SCD5: variants seen among roughly 807,000 people sequenced by gnomAD.
SCD5 encodes stearoyl-CoA desaturase 5, also known as acyl-CoA-desaturase 4.
Under a neutral mutation model 30.4 loss-of-function variants are expected in SCD5, and 20 were observed. The observed-to-expected ratio is 0.66, with a 90% CI of 0.46 to 0.96. SCD5 has a LOEUF of 0.96. Among genes scored for constraint, SCD5 ranks in the 40% least tolerant of loss-of-function variants. The probability of loss-of-function intolerance (pLI) is 0.00; values close to 1 mark genes in which losing one functional copy is unlikely to be tolerated. For synonymous variants in SCD5, 173 were observed against 176.4 expected (o/e 0.98, Z 0.16); for missense variants, 381 against 443.3 (o/e 0.86, Z 1.26).
intron 4 of SCD5, 123 bp downstream of exon 4, chr4:82,636,467 AG>A: frequency 1.4e-6 from 1 of 732,304 alleles, no homozygotes; most frequent in Non-Finnish European, 2.2e-6. Flanking sequence ...AAAAAAAAAA[AG>A]CTCAAGTTCA....
intron 1 of SCD5, among the ~76,000 whole-genome samples, chr4:82,746,782 G>T (rs146207024): frequency 1.3e-5 from 2 of 151,972 alleles, no homozygotes; most frequent in Non-Finnish European, 2.9e-5. Flanking sequence ...AGAGAAGAGC[G>T]GGGTCCCTGG....
intron 1 of SCD5, among the ~76,000 whole-genome samples, chr4:82,747,221 A>G (rs996581633): frequency 6.6e-6 from 1 of 152,184 alleles, no homozygotes; most frequent in African/African-American, 2.4e-5. Flanking sequence ...AGCACCTACT[A>G]TGTACCAGGC....
chr4:82,758,545 A>G (rs1033434367), intron 1 of SCD5, among the ~76,000 whole-genome samples: 2 of 152,192 alleles, frequency 1.3e-5, no homozygotes, highest in Non-Finnish European at 2.9e-5. Flanking sequence ...CTGGGGAAGA[A>G]ACTTAACATT....
At chr4:82,686,890 G>A (rs1203203281) in intron 2 of SCD5, among the ~76,000 whole-genome samples, 4 of 152,064 alleles carry the variant, frequency 2.6e-5, no homozygotes, top group African/African-American at 4.8e-5. Context: ...GTACTTCTTC[G>A]CCGGGCAGGG....
Position 82,773,825 on chromosome 4 carries a change from G to A in SCD5, c.232+24481C>T, listed in dbSNP as rs149674513. On this transcript the variant is annotated intron_variant, in intron 1 of 4. Transcript: ENST00000319540. Reference sequence around the variant, plus strand: ...TTGAAAATGCACATAGAGGCCGGGCGTGGTGGCTCATCCCAGCACTTTGGG... The same window carrying A: ...TTGAAAATGCACATAGAGGCCGGGCATGGTGGCTCATCCCAGCACTTTGGG... Among the ~76,000 whole-genome samples, 1,315 of 152,156 alleles carry A rather than the reference G, an allele frequency of 8.6e-3. 14 individuals are homozygous for A. Among genetic ancestry groups the A allele is most frequent in the African/African-American group, 0.027 (1,123 of 41,530 alleles).
intron 2 of SCD5, among the ~76,000 whole-genome samples, chr4:82,695,287 A>G (rs1031716345): frequency 6.6e-6 from 1 of 150,920 alleles, no homozygotes; most frequent in Non-Finnish European, 1.5e-5. Context: ...AGAGTCGTTT[A>G]ATTTCCAATA....
intron 1 of SCD5, among the ~76,000 whole-genome samples, chr4:82,754,935 G>A (rs1344987126): frequency 6.6e-6 from 1 of 152,158 alleles, no homozygotes; most frequent in Non-Finnish European, 1.5e-5. Flanking sequence ...AGGAACAGAA[G>A]CAACAAGACA....
At chr4:82,779,971 T>G (rs1721833341) in intron 1 of SCD5, among the ~76,000 whole-genome samples, 1 of 152,230 alleles carries the variant, frequency 6.6e-6, no homozygotes, top group Non-Finnish European at 1.5e-5. Flanking sequence ...ATAACTTTTG[T>G]TCTCAAAGTT....
intron 1 of SCD5, 57 bp downstream of exon 1, chr4:82,798,249 G>A: frequency 6.1e-6 from 8 of 1,309,316 alleles, no homozygotes; most frequent in Non-Finnish European, 7.8e-6. Flanking sequence ...GACCTCGCGC[G>A]CCCCAGCGCG....
chr4:82,771,644 C>G (rs572682553), intron 1 of SCD5, among the ~76,000 whole-genome samples: 74 of 146,808 alleles, frequency 5.0e-4, no homozygotes, highest in Non-Finnish European at 7.8e-4. Flanking sequence ...TCTACAGCCA[C>G]AGACCACATG....
At chr4:82,748,058 T>C (rs1241253992) in intron 1 of SCD5, among the ~76,000 whole-genome samples, 2 of 152,232 alleles carry the variant, frequency 1.3e-5, no homozygotes, top group Non-Finnish European at 1.5e-5. Context: ...CTTTTGTTCA[T>C]GTTGCTGTAT....
intron 1 of SCD5, among the ~76,000 whole-genome samples, chr4:82,763,443 AGAGGTTGCAGTGAGCG>A (rs1040129746): frequency 6.6e-6 from 1 of 152,216 alleles, no homozygotes; most frequent in Admixed American, 6.5e-5. Flanking sequence ...TCCGGGAGGC[AGAGGTTGCAGTGAGCG>A]GAGATCGTGC....
chr4:82,764,481 T>C (rs953103127), intron 1 of SCD5, among the ~76,000 whole-genome samples: 1 of 152,226 alleles, frequency 6.6e-6, no homozygotes, highest in Non-Finnish European at 1.5e-5. Context: ...TATTGGCTTA[T>C]TAATGATAAC....
intron 1 of SCD5, among the ~76,000 whole-genome samples, chr4:82,793,400 G>T (rs1447125581): frequency 1.3e-5 from 2 of 152,178 alleles, no homozygotes; most frequent in Non-Finnish European, 2.9e-5. Context: ...AAAACAGGAG[G>T]AAGATGGAAT....
At position 82,737,380 on chromosome 4, in the gene SCD5, T is replaced by C. The variant is rs190911863; in HGVS notation, c.233-31967A>G. On this transcript the variant is annotated intron_variant, in intron 1 of 4. Coordinates refer to ENST00000319540, the MANE Select transcript of SCD5 (RefSeq NM_001037582.3). Reference sequence around the variant, plus strand: ...CACTTGTGGATTTAATTCCATTCTCTAGATATTCTGGATGTTAATTTTTTT... The same window carrying C: ...CACTTGTGGATTTAATTCCATTCTCCAGATATTCTGGATGTTAATTTTTTT... Among the ~76,000 whole-genome samples, 204 of 152,328 alleles carry C rather than the reference T, an allele frequency of 1.3e-3. 1 individual carries two copies. The highest frequency in any genetic ancestry group is 3.4e-3 in the Middle Eastern group (1 of 294).
rs184386670 is a variant in SCD5, at chr4:82,744,179, T to C, written c.233-38766A>G. ...TAATTGTATTTGTTGACCATGATAG[T>C]TACATTTATTTTGTCTGTTTACAAT... On this transcript the variant is annotated intron_variant, in intron 1 of 4. Coordinates refer to ENST00000319540, the MANE Select transcript of SCD5 (RefSeq NM_001037582.3). 9.4e-3 allele frequency among the ~76,000 whole-genome samples: 1,434 copies of C among 152,328 alleles called. 14 individuals are homozygous for C. Among genetic ancestry groups the C allele is most frequent in the Non-Finnish European group, 0.014 (939 of 68,030 alleles).
chr4:82,687,816 C>A (rs1305899346), intron 2 of SCD5, among the ~76,000 whole-genome samples: 2 of 152,180 alleles, frequency 1.3e-5, no homozygotes, highest in African/African-American at 4.8e-5. Context: ...TATGAAGCAA[C>A]CTGCTCCTTC....
At chr4:82,702,048 C>T (rs1490862300) in intron 2 of SCD5, among the ~76,000 whole-genome samples, 2 of 146,036 alleles carry the variant, frequency 1.4e-5, no homozygotes, top group Non-Finnish European at 3.0e-5. Context: ...CTCAGGAGAT[C>T]TTTGCTGAAT....
At chr4:82,710,077 C>G (rs1161827763) in intron 1 of SCD5, among the ~76,000 whole-genome samples, 2 of 152,190 alleles carry the variant, frequency 1.3e-5, no homozygotes. Context: ...CTCTTTCAGG[C>G]AAGTGCAGTG....
Sources: gnomAD v4.1 joint callset for allele counts (sites outside exome capture counted in the v4.1 genomes callset) on GRCh38, gnomAD v4.1.1 for gene constraint, MANE v1.5 for transcripts, NCBI Gene and HGNC (gene_info 2026-07-23, HGNC 2026-07-21) for gene names.